ZSCAN4: variants seen among roughly 807,000 people sequenced by gnomAD.
ZSCAN4 encodes zinc finger and SCAN domain containing 4.
Under a neutral mutation model 18.3 loss-of-function variants are expected in ZSCAN4, and 18 were observed. The ratio of observed to expected loss-of-function variants is 0.98; its 90% CI spans 0.68 to 1.46. The LOEUF is 1.46. Ranked by LOEUF, ZSCAN4 falls within the 40% of genes most tolerant of loss-of-function variation. ZSCAN4 has a pLI of 0.00. For missense variants in ZSCAN4, 498 were observed against 511.4 expected (o/e 0.97, Z 0.25); for synonymous variants, 193 against 180.3 (o/e 1.07, Z -0.57).
chr19:57,670,377 G>C (rs1412947719), exon 2 of ZSCAN4: 4 of 150,690 alleles, frequency 2.7e-5, no homozygotes, highest in African/African-American at 9.7e-5. Flanking sequence ...TGGAGCTGGG[G>C]CTGGATGAAG....
At chr19:57,672,169 T>G (rs1984043744) in intron 2 of ZSCAN4, among the ~76,000 whole-genome samples, 1 of 152,094 alleles carries the variant, frequency 6.6e-6, no homozygotes, top group Non-Finnish European at 1.5e-5. Flanking sequence ...ATCCTAAACA[T>G]CAGTAGGAAA....
exon 3 of ZSCAN4, chr19:57,676,328 A>G (rs1329723434): frequency 1.8e-5 from 29 of 1,614,128 alleles, no homozygotes; most frequent in Non-Finnish European, 2.2e-5. Flanking sequence ...CAAGGCAGGA[A>G]TTGCAAAGAC....
At chr19:57,662,946 G>A in the ZSCAN4 span, among the ~76,000 whole-genome samples, 7 of 149,986 alleles carry the variant, frequency 4.7e-5, no homozygotes, top group Non-Finnish European at 7.4e-5. Context: ...AGAGTGGCAC[G>A]ATCTCAGCTC....
intron 2 of ZSCAN4, among the ~76,000 whole-genome samples, chr19:57,671,036 A>G (rs1184092208): frequency 6.6e-6 from 1 of 151,790 alleles, no homozygotes; most frequent in Non-Finnish European, 1.5e-5. Context: ...TAATTTTTCT[A>G]TTTTTTGTAG....
chr19:57,659,061 T>C, the ZSCAN4 span, among the ~76,000 whole-genome samples: 1 of 152,094 alleles, frequency 6.6e-6, no homozygotes, highest in Admixed American at 6.5e-5. Context: ...AGACAAGAAA[T>C]ATATAATCTG....
upstream of ZSCAN4, chr19:57,664,260 G>C (rs571276561): frequency 6.5e-6 from 1 of 152,742 alleles, no homozygotes; most frequent in Non-Finnish European, 1.5e-5. Context: ...AGGGGTCGGG[G>C]GTCGGGGTCG....
the ZSCAN4 span, among the ~76,000 whole-genome samples, chr19:57,659,471 C>T: frequency 6.6e-6 from 1 of 152,158 alleles, no homozygotes; most frequent in Non-Finnish European, 1.5e-5. Flanking sequence ...ACAGCAGCCT[C>T]GAACTCTCAA....
the ZSCAN4 span, among the ~76,000 whole-genome samples, chr19:57,657,251 C>T: frequency 2.6e-5 from 4 of 151,318 alleles, no homozygotes; most frequent in East Asian, 1.9e-4. Flanking sequence ...AGTGAAACTC[C>T]GTCTGCCCTC....
exon 5 of ZSCAN4, chr19:57,678,413 G>A (rs911633945): frequency 6.2e-7 from 1 of 1,614,120 alleles, no homozygotes; most frequent in Non-Finnish European, 8.5e-7. Context: ...CTATGGTGAT[G>A]GGAGCAGGGT....
upstream of ZSCAN4, among the ~76,000 whole-genome samples, chr19:57,666,001 G>A (rs1476400054): frequency 7.2e-5 from 11 of 152,184 alleles, no homozygotes; most frequent in Non-Finnish European, 1.5e-5. Flanking sequence ...ATTTGAGAAA[G>A]TCACTTTGGC....
exon 5 of ZSCAN4, chr19:57,678,659 A>C: frequency 1.2e-6 from 2 of 1,614,156 alleles, no homozygotes; most frequent in Non-Finnish European, 1.7e-6. Context: ...TCTTCCAGAT[A>C]TCAGACCTAC....
Position 57,676,403 on chromosome 19 carries a change from A to T in ZSCAN4, c.258A>T (p.Leu86=), listed in dbSNP as rs778198814. 20 of 1,614,118 alleles carry T rather than the reference A, an allele frequency of 1.2e-5. No individual in the cohort carries two copies. The East Asian group carries it at 4.2e-4, about 34-fold the overall frequency. Reference sequence around the variant, plus strand: ...ACAGCAAGGATGAAATTATTTCTCTATTAGTCCTGGAGCAGTTTATGATTG... The same window carrying T: ...ACAGCAAGGATGAAATTATTTCTCTTTTAGTCCTGGAGCAGTTTATGATTG... Residue 86 remains leucine, a synonymous_variant, in exon 3 of 5, where the codon CTA becomes CTT. Transcript: ENST00000318203.
At chr19:57,658,705 G>T in the ZSCAN4 span, among the ~76,000 whole-genome samples, 1 of 151,746 alleles carries the variant, frequency 6.6e-6, no homozygotes, top group Admixed American at 6.6e-5. Flanking sequence ...ATGGTGGCAC[G>T]TGCCTGTAAT....
At chr19:57,652,652 C>G in the ZSCAN4 span, among the ~76,000 whole-genome samples, 1 of 152,124 alleles carries the variant, frequency 6.6e-6, no homozygotes, top group African/African-American at 2.4e-5. Flanking sequence ...TCTTTCTCCA[C>G]TGCATACACA....
intron 1 of ZSCAN4, among the ~76,000 whole-genome samples, chr19:57,669,955 T>C (rs998284769): frequency 5.3e-5 from 8 of 152,158 alleles, no homozygotes; most frequent in Admixed American, 2.0e-4. Flanking sequence ...CAGGCTGGAA[T>C]GCAGTGGCGC....
upstream of ZSCAN4, chr19:57,664,251 G>C (rs1983794918): frequency 6.6e-6 from 1 of 152,574 alleles, no homozygotes; most frequent in African/African-American, 2.4e-5. Flanking sequence ...ATGAAAGTGA[G>C]GGGTCGGGGG....
rs1555807412 is a variant in ZSCAN4, at chr19:57,669,058, C to CTTCTTTTTT, written c.-572_-571insCTTTTTTTT. On this transcript the variant is annotated 5_prime_UTR_variant, in exon 1 of 5. Transcript: ENST00000318203. ...GACTAACGTTTGTCTTTATATTTTC[C>CTTCTTTTTT]TTTTTTTTTTTTTTTTTTTTGAGAC... 59 of 68,586 alleles carry CTTCTTTTTT rather than the reference C, an allele frequency of 8.6e-4. 5 individuals carry two copies. Among genetic ancestry groups the CTTCTTTTTT allele is most frequent in the African/African-American group, 3.7e-3 (56 of 14,992 alleles). 4.2% of individuals were successfully genotyped at this position (68,586 alleles called of 1,614,324 possible). A position where few individuals can be genotyped will look rare whatever the true frequency, so the allele number is the denominator to read the frequency against.
Position 57,669,112 on chromosome 19 carries a change from G to A in ZSCAN4, c.-520G>A, listed in dbSNP as rs1174208909. 1.4e-5 allele frequency: 2 copies of A among 146,214 alleles called. No homozygotes were observed. The highest frequency in any genetic ancestry group is 1.4e-4 in the Admixed American group (2 of 14,120). The allele number at this position is 146,214 out of a possible 1,614,324, so 9.1% of individuals were successfully genotyped here. On this transcript the variant is annotated 5_prime_UTR_variant, in exon 1 of 5. In the 5' UTR this introduces an upstream ATG that the reference lacks. Coordinates refer to ENST00000318203, the Ensembl canonical transcript of ZSCAN4. The stretch of plus-strand genomic sequence containing the variant: ...GTCTCGCTCTGTCGTCCAGGCTGGA[G>A]TGCCGTGGCGTAATCTCGGCTCACT...
At chr19:57,670,665 T>C (rs985234890) in intron 2 of ZSCAN4, 98 bp downstream of exon 2, 6 of 152,218 alleles carry the variant, frequency 3.9e-5, no homozygotes, top group African/African-American at 1.4e-4. Context: ...TTTGAGTGTG[T>C]ATACATGTGT....
Sources: allele counts gnomAD v4.1 joint callset (sites outside exome capture counted in the v4.1 genomes callset), GRCh38; gene constraint gnomAD v4.1.1; transcripts MANE v1.5; gene names NCBI Gene and HGNC (gene_info 2026-07-23, HGNC 2026-07-21).